The following LTBP1 variants were observed in gnomAD, a reference collection of about 807,000 sequenced individuals.
LTBP1 encodes latent-transforming growth factor beta-binding protein 1.
A neutral mutation model predicts 207.6 loss-of-function variants in LTBP1; 129 were observed. That is an observed-to-expected ratio of 0.62 (90% CI 0.54 to 0.72). The LOEUF is 0.72. LTBP1 is among the 30% of genes least tolerant of loss of function. The probability of loss-of-function intolerance (pLI) is 0.00; values close to 1 mark genes in which losing one functional copy is unlikely to be tolerated. For synonymous variants in LTBP1, 963 were observed against 833.7 expected, an observed-to-expected ratio of 1.16 and a Z score of -2.67; for missense variants, 2,281 against 2,217.2, an observed-to-expected ratio of 1.03 and a Z score of -0.58.
rs578224422 is a variant in LTBP1 at position 32,948,797 on chromosome 2, C to A, written c.495-78C>A. On this transcript the variant is annotated intron_variant, in intron 1 of 33. Coordinates refer to ENST00000404816, the MANE Select transcript of LTBP1 (RefSeq NM_206943.4). ...TTGCAGAAGCTGGAGGCTGGCCTTT[C>A]TGGAACATGCTGGAAGCTTGGGTTC... 1.5e-5 allele frequency: 21 copies of A among 1,369,068 alleles called. No homozygotes were observed. In the East Asian group the frequency reaches 4.1e-4, roughly 27 times the overall value. 84.8% of individuals were successfully genotyped at this position (1,369,068 alleles called of 1,614,324 possible).
chr2:33,056,302 C>T lies in LTBP1; in HGVS notation c.863+35096C>T, dbSNP rs555580407. On this transcript the variant is annotated intron_variant, in intron 3 of 33. Coordinates refer to ENST00000404816, the MANE Select transcript of LTBP1 (RefSeq NM_206943.4). ...GTGTTTCCCATCTGAAAGACAAAAC[C>T]GCCTGCAGTTTTGTTTTGTTTTGTT... 2.3e-5 allele frequency: 19 copies of T among 824,434 alleles called. No homozygotes were observed. In the African/African-American group the frequency reaches 2.5e-4, roughly 11 times the overall value. The allele number at this position is 824,434 out of a possible 1,614,324, so 51.1% of individuals were successfully genotyped here. A position where few individuals can be genotyped will look rare whatever the true frequency, so the allele number is the denominator to read the frequency against.
At chr2:33,320,389 A>G (rs2094337085) in intron 24 of LTBP1, among the ~76,000 whole-genome samples, 1 of 146,886 alleles carries the variant, frequency 6.8e-6, no homozygotes, top group Non-Finnish European at 1.5e-5. Flanking sequence ...AGCGTGATAA[A>G]CTCTGTGAAA....
At chr2:33,376,359 G>A (rs767373957) in intron 31 of LTBP1, among the ~76,000 whole-genome samples, 3 of 152,174 alleles carry the variant, frequency 2.0e-5, no homozygotes, top group Non-Finnish European at 4.4e-5. Flanking sequence ...ACCCTAAGAC[G>A]TGTCACAGAA....
In LTBP1 at chr2:33,315,361, T is replaced by TACTG. The variant is rs201548984; in HGVS notation, c.3730+93_3730+96dup. On this transcript the variant is annotated intron_variant, in intron 24 of 33. Coordinates refer to ENST00000404816, the MANE Select transcript of LTBP1 (RefSeq NM_206943.4). The stretch of plus-strand genomic sequence containing the variant: ...ACAAAGACTTGAAGACACTAAGAGG[T>TACTG]ACTGCATAATTCAGAGCCTCAAAGC... 4,651 of 1,476,814 alleles carry TACTG rather than the reference T, an allele frequency of 3.1e-3. 124 individuals are homozygous for TACTG. The African/African-American group carries it at 0.058, about 18-fold the overall frequency. The allele number at this position is 1,476,814 out of a possible 1,614,324, so 91.5% of individuals were successfully genotyped here.
intron 2 of LTBP1, among the ~76,000 whole-genome samples, chr2:32,976,516 A>G (rs1681808091): frequency 6.6e-6 from 1 of 152,258 alleles, no homozygotes; most frequent in African/African-American, 2.4e-5. Context: ...AATGTTAGCC[A>G]GCAGATAGGC....
At chr2:33,015,382 T>G (rs1688237967) in intron 2 of LTBP1, among the ~76,000 whole-genome samples, 1 of 152,206 alleles carries the variant, frequency 6.6e-6, no homozygotes, top group Non-Finnish European at 1.5e-5. Context: ...TTGGCCATCT[T>G]TCCTTTATAG....
In LTBP1 at chr2:32,947,690, C is replaced by T. The variant is rs1676406164; in HGVS notation, c.366C>T (p.Pro122=). ...AVPGGQLHPN[P]GGHPAAAPFT... ...CCGGCGGGCAGCTCCACCCCAATCC[C>T]GGCGGCCACCCGGCAGCCGCCCCGT... is the stretch of plus-strand genomic sequence containing the variant. Residue 122 remains proline, a synonymous_variant, in exon 1 of 34, where the codon CCC becomes CCT. Coordinates refer to ENST00000404816, the MANE Select transcript of LTBP1 (RefSeq NM_206943.4). 6.6e-6 allele frequency: 10 copies of T among 1,507,008 alleles called. No individual in the cohort carries two copies. The highest frequency in any genetic ancestry group is 2.5e-5 in the South Asian group (2 of 79,930). The allele number at this position is 1,507,008 out of a possible 1,614,324, so 93.4% of individuals were successfully genotyped here. A position where few individuals can be genotyped will look rare whatever the true frequency, so the allele number is the denominator to read the frequency against.
chr2:33,396,415 T>G (rs1359048459), intron 32 of LTBP1, among the ~76,000 whole-genome samples: 1 of 152,120 alleles, frequency 6.6e-6, no homozygotes, highest in Non-Finnish European at 1.5e-5. Flanking sequence ...AGAGACAGGG[T>G]TTCACCATGT....
intron 2 of LTBP1, among the ~76,000 whole-genome samples, chr2:32,962,490 T>C (rs17396246): frequency 0.11 from 17,228 of 152,284 alleles, 1,138 homozygotes; most frequent in Non-Finnish European, 0.15. Flanking sequence ...TCTCTTTATA[T>C]ACAATAGACC....
intron 3 of LTBP1, among the ~76,000 whole-genome samples, chr2:33,049,528 C>G (rs898010292): frequency 7.9e-5 from 12 of 152,026 alleles, no homozygotes; most frequent in Admixed American, 5.9e-4. Flanking sequence ...AGTGTTAAAC[C>G]AAGATTAAAA....
intron 5 of LTBP1, among the ~76,000 whole-genome samples, chr2:33,172,016 A>T (rs1011367257): frequency 6.6e-6 from 1 of 152,244 alleles, no homozygotes; most frequent in Non-Finnish European, 1.5e-5. Context: ...AGCACTAAAC[A>T]TGGAAAGGAA....
intron 4 of LTBP1, among the ~76,000 whole-genome samples, chr2:33,130,655 G>T (rs1572771591): frequency 6.6e-6 from 1 of 152,056 alleles, no homozygotes; most frequent in African/African-American, 2.4e-5. Context: ...GAATATCTGT[G>T]GTTTGTTTTA....
intron 10 of LTBP1, among the ~76,000 whole-genome samples, chr2:33,247,900 G>A (rs1049775616): frequency 6.6e-6 from 1 of 152,226 alleles, no homozygotes; most frequent in Non-Finnish European, 1.5e-5. Context: ...GTTAATATGG[G>A]CTTTCCTTCC....
chr2:33,116,126 A>G (rs904012113), intron 4 of LTBP1, among the ~76,000 whole-genome samples: 15 of 152,230 alleles, frequency 9.9e-5, no homozygotes, highest in African/African-American at 3.6e-4. Flanking sequence ...ATGGTTCCCT[A>G]GACGACTGGT....
chr2:33,065,494 C>T (rs2077465731), intron 3 of LTBP1, among the ~76,000 whole-genome samples: 1 of 152,042 alleles, frequency 6.6e-6, no homozygotes, highest in Non-Finnish European at 1.5e-5. Context: ...TTTGAGGTTA[C>T]AGTGATGATC....
At chr2:33,347,129 A>C (rs1220556058) in intron 25 of LTBP1, among the ~76,000 whole-genome samples, 3 of 151,838 alleles carry the variant, frequency 2.0e-5, no homozygotes, top group Non-Finnish European at 4.4e-5. Flanking sequence ...AAAAAAAAAA[A>C]AAAAAAAAAA....
chr2:33,210,748 C>T (rs985876611), intron 7 of LTBP1, among the ~76,000 whole-genome samples: 4 of 152,180 alleles, frequency 2.6e-5, no homozygotes, highest in African/African-American at 7.2e-5. Context: ...TACCCTCCTC[C>T]GTTGCCACTG....
At chr2:32,947,864 C>T (rs984758412) in intron 1 of LTBP1, 46 bp downstream of exon 1, 1 of 1,272,084 alleles carries the variant, frequency 7.9e-7, no homozygotes, top group Non-Finnish European at 1.0e-6. Context: ...TCGCGCGCAC[C>T]GCCCGCGGAG....
chr2:33,058,562 A>G (rs1293236598), intron 3 of LTBP1, among the ~76,000 whole-genome samples: 1 of 152,252 alleles, frequency 6.6e-6, no homozygotes, highest in Non-Finnish European at 1.5e-5. Flanking sequence ...CAGATATGGA[A>G]TCACCAATTT....
Sources: allele counts gnomAD v4.1 joint callset (sites outside exome capture counted in the v4.1 genomes callset), GRCh38; gene constraint gnomAD v4.1.1; transcripts MANE v1.5; gene names NCBI Gene and HGNC (gene_info 2026-07-23, HGNC 2026-07-21).